Variants in SLC9A4 observed in about 807,000 individuals in gnomAD.
SLC9A4 encodes solute carrier family 9 member A4, also known as sodium/hydrogen exchanger 4.
A neutral mutation model predicts 67.4 loss-of-function variants in SLC9A4; 63 were observed. That is an observed-to-expected ratio of 0.93 (90% CI 0.76 to 1.15). The LOEUF (loss-of-function observed/expected upper bound fraction) is 1.15. Ranked by LOEUF, SLC9A4 falls within the 50% of genes most tolerant of loss-of-function variation. SLC9A4 has a pLI of 0.00. For missense variants in SLC9A4, 1,089 were observed against 987.7 expected, an observed-to-expected ratio of 1.10 and a Z score of -1.38; for synonymous variants, 393 against 367.2, an observed-to-expected ratio of 1.07 and a Z score of -0.80.
chr2:102,498,062 G>A (rs914766105), intron 2 of SLC9A4, among the ~76,000 whole-genome samples: 1 of 152,172 alleles, frequency 6.6e-6, no homozygotes, highest in Admixed American at 6.5e-5. Context: ...TGAGTGAAGA[G>A]GAAAAATCTA....
intron 3 of SLC9A4, 116 bp from the exon 4 acceptor site, chr2:102,505,138 G>C (rs1199962797): frequency 2.3e-6 from 2 of 877,832 alleles, no homozygotes; most frequent in Non-Finnish European, 3.5e-6. Flanking sequence ...GGGAATAAGG[G>C]AGATATTCCT....
At chr2:102,518,273 A>C (rs978972275) in intron 8 of SLC9A4, among the ~76,000 whole-genome samples, 1 of 152,196 alleles carries the variant, frequency 6.6e-6, no homozygotes, top group African/African-American at 2.4e-5. Flanking sequence ...CATTTCCTTT[A>C]TCAATGGTTT....
intron 2 of SLC9A4, among the ~76,000 whole-genome samples, chr2:102,495,750 GC>G (rs1183068148): frequency 5.3e-5 from 8 of 152,032 alleles, no homozygotes; most frequent in Admixed American, 2.0e-4. Flanking sequence ...AAGAACTAAG[GC>G]AATTCAATGG....
intron 1 of SLC9A4, among the ~76,000 whole-genome samples, chr2:102,476,601 T>G (rs1436296007): frequency 6.6e-6 from 1 of 152,152 alleles, no homozygotes; most frequent in Non-Finnish European, 1.5e-5. Context: ...AATCACACTA[T>G]GGGCTCTTCC....
chr2:102,511,834 TTAA>T (rs555687437), intron 6 of SLC9A4, among the ~76,000 whole-genome samples: 36 of 151,698 alleles, frequency 2.4e-4, no homozygotes, highest in Admixed American at 1.1e-3. Context: ...TTACAATTAT[TTAA>T]TAATATCTTA....
chr2:102,511,035 G>A lies in SLC9A4; in HGVS notation c.1489-1168G>A, dbSNP rs930354862. Among the ~76,000 whole-genome samples the A allele has an allele frequency of 3.3e-5, 5 of 152,212 alleles. No homozygotes were observed. In the South Asian group the frequency reaches 6.2e-4, roughly 19 times the overall value. On this transcript the variant is annotated intron_variant, in intron 6 of 11. Transcript: ENST00000295269. ...AAGCTGAAGTGGATGTGTCTAACCA[G>A]TGATTGGGAACATGTGGCATAGTTG...
chr2:102,519,769 T>C, intron 8 of SLC9A4, 90 bp from the exon 9 acceptor site: 1 of 1,214,238 alleles, frequency 8.2e-7, no homozygotes, highest in Non-Finnish European at 1.2e-6. Flanking sequence ...AGGATTCCCC[T>C]CAGTACAGAG....
intron 4 of SLC9A4, among the ~76,000 whole-genome samples, chr2:102,506,717 C>T (rs1685057300): frequency 6.6e-6 from 1 of 152,060 alleles, no homozygotes; most frequent in South Asian, 2.1e-4. Flanking sequence ...GGGAGTAGAG[C>T]TAATGCCAAG....
In SLC9A4 at chr2:102,479,261, A is replaced by G; in HGVS notation, c.679A>G (p.Met227Val). ...EARVNEQLYM[M>V]IFGEALLNDG... ...GCGCGTGAACGAGCAGCTCTACATG[A>G]TGATCTTTGGGGAGGCCCTGCTCAA... Residue 227 changes from methionine (M) to valine (V), a missense_variant, in exon 2 of 12, where the codon ATG becomes GTG. Physicochemically the swap from Met to Val is conservative, Grantham distance 21 (BLOSUM62 1). Transcript: ENST00000295269. 1 of 1,613,752 alleles carries G rather than the reference A, an allele frequency of 6.2e-7. No homozygotes were observed. The highest frequency in any genetic ancestry group is 1.1e-5 in the South Asian group (1 of 91,066).
chr2:102,500,057 G>A (rs1232472649), intron 2 of SLC9A4, among the ~76,000 whole-genome samples: 1 of 152,200 alleles, frequency 6.6e-6, no homozygotes, highest in Non-Finnish European at 1.5e-5. Context: ...CTGCAGGATA[G>A]GATCGTAACT....
intron 2 of SLC9A4, among the ~76,000 whole-genome samples, chr2:102,483,965 T>A (rs1684531173): frequency 6.6e-6 from 1 of 150,952 alleles, no homozygotes; most frequent in Non-Finnish European, 1.5e-5. Flanking sequence ...AGCTTAAATA[T>A]ATACAATTTT....
At chr2:102,494,101 G>A (rs974980717) in intron 2 of SLC9A4, among the ~76,000 whole-genome samples, 1 of 151,900 alleles carries the variant, frequency 6.6e-6, no homozygotes, top group African/African-American at 2.4e-5. Context: ...CACAAAGAAA[G>A]GCAATTAATT....
At chr2:102,488,839 G>A (rs566278601) in intron 2 of SLC9A4, among the ~76,000 whole-genome samples, 21 of 152,254 alleles carry the variant, frequency 1.4e-4, no homozygotes, top group South Asian at 1.0e-3. Context: ...GAGCCACTGC[G>A]CCAGGCCTGA....
intron 2 of SLC9A4, among the ~76,000 whole-genome samples, chr2:102,497,386 A>G (rs1684832658): frequency 6.6e-6 from 1 of 152,256 alleles, no homozygotes. Flanking sequence ...CACAGCAGCA[A>G]CATTCAAACA....
At chr2:102,520,751 C>G (rs1030545585) in intron 9 of SLC9A4, among the ~76,000 whole-genome samples, 2 of 152,154 alleles carry the variant, frequency 1.3e-5, no homozygotes, top group Non-Finnish European at 2.9e-5. Flanking sequence ...TCCCCATTTT[C>G]AAAGAGAAGA....
At chr2:102,491,972 C>T (rs564141189) in intron 2 of SLC9A4, among the ~76,000 whole-genome samples, 2 of 152,342 alleles carry the variant, frequency 1.3e-5, no homozygotes, top group African/African-American at 4.8e-5. Context: ...CTACAGGCCC[C>T]ATGCAAGTCC....
At position 102,477,583 on chromosome 2, in the gene SLC9A4, T is replaced by C. The variant is rs143019119; in HGVS notation, c.257-1256T>C. Among the ~76,000 whole-genome samples, 31 of 152,286 alleles carry C rather than the reference T, an allele frequency of 2.0e-4. No individual in the cohort carries two copies. The East Asian group carries it at 5.4e-3, about 27-fold the overall frequency. ...CACAAAACATAGTAGACAGGGATTATTGTTATTAGACGGAGTGAGATAAAA... is the reference window on the plus strand; with the variant it reads ...CACAAAACATAGTAGACAGGGATTACTGTTATTAGACGGAGTGAGATAAAA... On this transcript the variant is annotated intron_variant, in intron 1 of 11. Coordinates refer to ENST00000295269, the MANE Select transcript of SLC9A4 (RefSeq NM_001011552.4).
At chr2:102,521,891 C>G (rs1233579308) in intron 9 of SLC9A4, among the ~76,000 whole-genome samples, 1 of 152,160 alleles carries the variant, frequency 6.6e-6, no homozygotes, top group Non-Finnish European at 1.5e-5. Context: ...CAGAGTTTGA[C>G]TCTGGGCGAC....
rs746464265 is a variant in SLC9A4 at position 102,473,991 on chromosome 2, C to G, written c.232C>G (p.Leu78Val). Residue 78 changes from leucine to valine, a missense_variant, in exon 1 of 12, where the codon CTT becomes GTT. Transcript: ENST00000295269. ...QIPYEVTLWI[L>V]LASLAKIGFH... ...TCCTTATGAGGTCACTCTCTGGATACTTCTAGCATCCCTTGCAAAAATAGG... is the reference window on the plus strand; with the variant it reads ...TCCTTATGAGGTCACTCTCTGGATAGTTCTAGCATCCCTTGCAAAAATAGG... The G allele has an allele frequency of 3.1e-6, 5 of 1,613,646 alleles. No individual in the cohort carries two copies. The highest frequency in any genetic ancestry group is 3.3e-5 in the Admixed American group (2 of 59,994).
Sources: gnomAD v4.1 joint callset for allele counts (sites outside exome capture counted in the v4.1 genomes callset) on GRCh38, gnomAD v4.1.1 for gene constraint, MANE v1.5 for transcripts, NCBI Gene and HGNC (gene_info 2026-07-23, HGNC 2026-07-21) for gene names.